PLEKHA6: variants seen among roughly 807,000 people sequenced by gnomAD.
PLEKHA6 encodes pleckstrin homology domain containing A6, also known as pleckstrin homology domain-containing family A member 6.
In PLEKHA6, 60 loss-of-function variants were observed where a neutral mutation model predicts 116.7. That is an observed-to-expected ratio of 0.51 (90% CI 0.42 to 0.64). The LOEUF is 0.64. Ranked by LOEUF, PLEKHA6 falls within the 30% of genes least tolerant of loss-of-function variation. The pLI is 0.00. For missense variants in PLEKHA6, 1,338 were observed against 1,422.7 expected (o/e 0.94, Z 0.96); for synonymous variants, 489 against 556.1 (o/e 0.88, Z 1.70).
At chr1:204,230,168 T>C (rs1298244705) in intron 18 of PLEKHA6, among the ~76,000 whole-genome samples, 1 of 152,262 alleles carries the variant, frequency 6.6e-6, no homozygotes, top group Non-Finnish European at 1.5e-5. Flanking sequence ...TATAATTCAT[T>C]TCAACAAACA....
intron 1 of PLEKHA6, among the ~76,000 whole-genome samples, chr1:204,343,347 T>C (rs1048019152): frequency 3.9e-5 from 6 of 152,176 alleles, no homozygotes; most frequent in Non-Finnish European, 1.5e-5. Context: ...TTTTTACATG[T>C]ATTAATGTAT....
intron 1 of PLEKHA6, among the ~76,000 whole-genome samples, chr1:204,314,337 T>C (rs1196367809): frequency 1.3e-5 from 2 of 152,220 alleles, no homozygotes; most frequent in Non-Finnish European, 2.9e-5. Context: ...CCACTTCCCC[T>C]GTGAGCCCGG....
At chr1:204,285,659 T>C (rs192291845) in intron 1 of PLEKHA6, among the ~76,000 whole-genome samples, 1 of 152,306 alleles carries the variant, frequency 6.6e-6, no homozygotes, top group East Asian at 1.9e-4. Flanking sequence ...GTATTTTTAG[T>C]AGAGACACGG....
At chr1:204,288,410 AG>A (rs2103013393) in intron 1 of PLEKHA6, among the ~76,000 whole-genome samples, 1 of 152,302 alleles carries the variant, frequency 6.6e-6, no homozygotes, top group African/African-American at 2.4e-5. Flanking sequence ...AGTCCCACCC[AG>A]GCCGCCCCGC....
At chr1:204,347,218 A>C (rs1213866040) in intron 1 of PLEKHA6, 1 of 1,128,256 alleles carries the variant, frequency 8.9e-7, no homozygotes, top group East Asian at 2.3e-5. Flanking sequence ...CCTAGAGAAC[A>C]TACATCGGGT....
intron 1 of PLEKHA6, among the ~76,000 whole-genome samples, chr1:204,286,649 G>C (rs1669207391): frequency 6.6e-6 from 1 of 152,180 alleles, no homozygotes; most frequent in Non-Finnish European, 1.5e-5. Context: ...AGCAATAGCA[G>C]AGCATTAAAC....
intron 13 of PLEKHA6, among the ~76,000 whole-genome samples, chr1:204,246,136 C>G (rs1663635536): frequency 6.6e-6 from 1 of 152,148 alleles, no homozygotes; most frequent in Admixed American, 6.5e-5. Context: ...ATACCCACTC[C>G]CAGCGTACGC....
chr1:204,241,392 T>C lies in PLEKHA6; in HGVS notation c.2392A>G (p.Asn798Asp). 6.2e-7 allele frequency: 1 copy of C among 1,609,656 alleles called. No homozygotes were observed. Among genetic ancestry groups the C allele is most frequent in the Non-Finnish European group, 8.5e-7 (1 of 1,177,208 alleles). The change falls in exon 17 of 23, where the codon AAT becomes GAT. Residue 798 changes from asparagine to aspartate, a missense_variant. Transcript: ENST00000272203. ...VVRRNASGLT[N>D]GLSSQERPKS... ...GTACCCACCTGGGAGGAGAGTCCAT[T>C]GGTGAGCCCACTGGCATTCCTTCTT...
chr1:204,363,098 T>C (rs1673591828), upstream of PLEKHA6, among the ~76,000 whole-genome samples: 1 of 152,242 alleles, frequency 6.6e-6, no homozygotes. Flanking sequence ...TGCTCTGTCC[T>C]GTCTGCCTTC....
chr1:204,309,232 C>T (rs1219575739), intron 1 of PLEKHA6: 1 of 171,096 alleles, frequency 5.8e-6, no homozygotes, highest in Admixed American at 6.5e-5. Context: ...AGGCTCCAAG[C>T]TTCAGTCCCA....
intron 1 of PLEKHA6, among the ~76,000 whole-genome samples, chr1:204,308,094 A>G (rs978434470): frequency 6.6e-6 from 1 of 152,176 alleles, no homozygotes; most frequent in South Asian, 2.1e-4. Flanking sequence ...GCTTCCACCC[A>G]TAATAGAATT....
At chr1:204,299,557 AC>A in intron 1 of PLEKHA6, 10 of 884,588 alleles carry the variant, frequency 1.1e-5, no homozygotes, top group Non-Finnish European at 1.4e-5. Context: ...GCAAGCTGAC[AC>A]AGCTTTGAGA....
chr1:204,259,121 TG>T lies in PLEKHA6; in HGVS notation c.1007+136del. On this transcript the variant is annotated intron_variant, in intron 8 of 22. Transcript: ENST00000272203. The surrounding 1 kb of genome is among the most constrained non-coding windows in gnomAD (Gnocchi z 4.6). ...CAGGATTTGGGCAAGCCAGGAAGCA[TG>T]GGATTTGCTTGGTTTCCCAACTCAG... is the stretch of plus-strand genomic sequence containing the variant. 1 of 976,558 alleles carries T rather than the reference TG, an allele frequency of 1.0e-6. No homozygotes were observed. Among genetic ancestry groups the T allele is most frequent in the Non-Finnish European group, 1.5e-6 (1 of 672,386 alleles). 60.5% of individuals were successfully genotyped at this position (976,558 alleles called of 1,614,324 possible).
intron 1 of PLEKHA6, among the ~76,000 whole-genome samples, chr1:204,276,319 C>G (rs1667999800): frequency 6.6e-6 from 1 of 152,164 alleles, no homozygotes; most frequent in Non-Finnish European, 1.5e-5. Context: ...CGTTGATAAT[C>G]CACTCCCCAC....
intron 1 of PLEKHA6, among the ~76,000 whole-genome samples, chr1:204,300,114 A>G (rs4619033): frequency 0.21 from 32,617 of 152,116 alleles, 3,810 homozygotes; most frequent in South Asian, 0.29. Flanking sequence ...CATCTTTCCA[A>G]TGATGTGTTA....
At chr1:204,252,771 G>T (rs552441078) in intron 9 of PLEKHA6, among the ~76,000 whole-genome samples, 1 of 152,324 alleles carries the variant, frequency 6.6e-6, no homozygotes, top group East Asian at 1.9e-4. Context: ...CATCCCATTT[G>T]CAGGGTCTGC....
At chr1:204,253,059 A>G (rs934800700) in intron 9 of PLEKHA6, among the ~76,000 whole-genome samples, 3 of 152,176 alleles carry the variant, frequency 2.0e-5, no homozygotes, top group Non-Finnish European at 4.4e-5. Flanking sequence ...AAAATGTTAG[A>G]TTTTGTAAGA....
At chr1:204,299,019 C>T (rs1168412424) in intron 1 of PLEKHA6, among the ~76,000 whole-genome samples, 3 of 152,208 alleles carry the variant, frequency 2.0e-5, no homozygotes, top group East Asian at 3.9e-4. Context: ...CAGCTTCTTG[C>T]TTCTAGTCCA....
At chr1:204,233,067 T>G (rs552508191) in intron 17 of PLEKHA6, among the ~76,000 whole-genome samples, 19 of 152,130 alleles carry the variant, frequency 1.2e-4, no homozygotes, top group Non-Finnish European at 2.5e-4. Context: ...CCTCCCAAAG[T>G]GCTGGGATTA....
Sources: gnomAD v4.1 joint callset for allele counts (sites outside exome capture counted in the v4.1 genomes callset) on GRCh38, gnomAD v4.1.1 for gene constraint, Gnocchi (gnomAD v3.1) non-coding constraint, MANE v1.5 for transcripts, NCBI Gene and HGNC (gene_info 2026-07-23, HGNC 2026-07-21) for gene names.